The following CPNE8 variants were observed in gnomAD, a reference collection of about 807,000 sequenced individuals.
The protein encoded by CPNE8 is copine 8.
CPNE8 carries 45 observed loss-of-function variants against 81.5 expected under a neutral mutation model. The observed-to-expected ratio is 0.55, with a 90% confidence interval of 0.44 to 0.71. The LOEUF is 0.71. Among genes scored for constraint, CPNE8 ranks in the 30% least tolerant of loss-of-function variants. The probability of loss-of-function intolerance (pLI) is 0.00; values close to 1 mark genes in which losing one functional copy is unlikely to be tolerated. For missense variants in CPNE8, 594 were observed against 672.1 expected (o/e 0.88, Z 1.28); for synonymous variants, 252 against 226.3 (o/e 1.11, Z -1.02).
chr12:38,675,855 C>G, intron 17 of CPNE8, 81 bp from the exon 18 acceptor site: 1 of 929,490 alleles, frequency 1.1e-6, no homozygotes, highest in Non-Finnish European at 1.7e-6. Flanking sequence ...CATGATATCT[C>G]ACTCTTGAAA....
chr12:38,797,297 C>T (rs1368634327), intron 6 of CPNE8, among the ~76,000 whole-genome samples: 2 of 152,178 alleles, frequency 1.3e-5, no homozygotes, highest in Non-Finnish European at 2.9e-5. Flanking sequence ...GGAGGCACCC[C>T]CCAGTAGGGG....
chr12:38,719,584 G>GAAA (rs34008352), intron 13 of CPNE8, among the ~76,000 whole-genome samples: 5,981 of 123,984 alleles, frequency 0.048, 437 homozygotes, highest in African/African-American at 0.16. Context: ...ATTGTCTCAG[G>GAAA]AAAAAAAAAA....
At chr12:38,871,006 A>C (rs1421536104) in intron 3 of CPNE8, among the ~76,000 whole-genome samples, 1 of 152,100 alleles carries the variant, frequency 6.6e-6, no homozygotes, top group Non-Finnish European at 1.5e-5. Flanking sequence ...ATATTTGTGA[A>C]GGGTTTGGAA....
intron 11 of CPNE8, among the ~76,000 whole-genome samples, chr12:38,727,899 T>C (rs1940740621): frequency 6.6e-6 from 1 of 152,126 alleles, no homozygotes; most frequent in Admixed American, 6.6e-5. Context: ...AAACAACAAG[T>C]GAAAGCTAAG....
At chr12:38,722,384 T>TA (rs1256878006) in intron 13 of CPNE8, among the ~76,000 whole-genome samples, 2 of 152,154 alleles carry the variant, frequency 1.3e-5, no homozygotes, top group Admixed American at 1.3e-4. Flanking sequence ...AGTACTCATT[T>TA]AAGTAGGTAT....
chr12:38,742,711 T>TAA (rs59403727), intron 10 of CPNE8, among the ~76,000 whole-genome samples: 2 of 145,472 alleles, frequency 1.4e-5, no homozygotes, highest in East Asian at 2.0e-4. Flanking sequence ...AATAAATAAA[T>TAA]ATAAAACATA....
intron 16 of CPNE8, among the ~76,000 whole-genome samples, chr12:38,685,260 C>G (rs192555373): frequency 1.5e-3 from 235 of 152,286 alleles, no homozygotes; most frequent in African/African-American, 5.3e-3. Context: ...AAGATAGTTC[C>G]TAACATAACC....
chr12:38,793,059 C>T (rs1942363606), intron 6 of CPNE8, among the ~76,000 whole-genome samples: 1 of 151,170 alleles, frequency 6.6e-6, no homozygotes, highest in Middle Eastern at 3.4e-3. Context: ...AAACTAGAAA[C>T]AGAAGAAAAT....
intron 6 of CPNE8, among the ~76,000 whole-genome samples, chr12:38,809,298 TC>T (rs1223897478): frequency 6.6e-6 from 1 of 152,174 alleles, no homozygotes; most frequent in Non-Finnish European, 1.5e-5. Context: ...TAATTCCTTC[TC>T]ACGGTTTCCA....
At chr12:38,707,474 T>G (rs1940135938) in intron 13 of CPNE8, among the ~76,000 whole-genome samples, 1 of 149,646 alleles carries the variant, frequency 6.7e-6, no homozygotes, top group African/African-American at 2.5e-5. Flanking sequence ...GGAAGGAAGG[T>G]AAGAAGGAAG....
Position 38,702,898 on chromosome 12 carries a change from G to A in CPNE8, c.938C>T (p.Ala313Val). Reference protein sequence around the residue: ...KGGTQINFTVAIDFTASNGNP... With the variant: ...KGGTQINFTVVIDFTASNGNP... ...ACCGTTTGATGCTGTAAAATCAATA[G>A]CCACTGTGAAATTGATTTGCGTCCT... The change falls in exon 14 of 20, where the codon GCT (alanine) becomes GTT (valine). Residue 313 changes from alanine (A) to valine (V), a missense_variant. By Grantham distance (64) the Ala-to-Val change is moderately conservative. Transcript: ENST00000331366. 6.4e-7 allele frequency: 1 copy of A among 1,573,390 alleles called. No homozygotes were observed. The highest frequency in any genetic ancestry group is 8.6e-7 in the Non-Finnish European group (1 of 1,157,504).
At chr12:38,688,061 T>G (rs1466239146) in intron 15 of CPNE8, among the ~76,000 whole-genome samples, 1 of 152,206 alleles carries the variant, frequency 6.6e-6, no homozygotes, top group African/African-American at 2.4e-5. Context: ...TTACTGATTT[T>G]GGGCATATAA....
intron 10 of CPNE8, among the ~76,000 whole-genome samples, chr12:38,757,573 G>A (rs999300123): frequency 6.6e-6 from 1 of 151,892 alleles, no homozygotes; most frequent in South Asian, 2.1e-4. Context: ...AATTAAAAGG[G>A]TTATCAAGAA....
intron 1 of CPNE8, among the ~76,000 whole-genome samples, chr12:38,903,497 C>CA (rs1420170363): frequency 2.0e-5 from 3 of 152,068 alleles, no homozygotes; most frequent in Non-Finnish European, 2.9e-5. Context: ...AAACATGCAT[C>CA]AAAAAAGGGG....
chr12:38,822,363 G>A (rs1686921202), intron 6 of CPNE8, among the ~76,000 whole-genome samples: 1 of 152,110 alleles, frequency 6.6e-6, no homozygotes, highest in African/African-American at 2.4e-5. Context: ...CTTTACATAA[G>A]TGTAATCAAG....
intron 6 of CPNE8, among the ~76,000 whole-genome samples, chr12:38,785,826 G>T (rs760580285): frequency 6.6e-6 from 1 of 152,050 alleles, no homozygotes; most frequent in Admixed American, 6.6e-5. Context: ...TGCAAACAGT[G>T]TTAAGTTGTT....
chr12:38,837,463 C>T (rs371166293), intron 5 of CPNE8, among the ~76,000 whole-genome samples: 3 of 152,022 alleles, frequency 2.0e-5, no homozygotes, highest in African/African-American at 7.2e-5. Context: ...GGGATAAACA[C>T]TTGAGGGTCA....
intron 10 of CPNE8, among the ~76,000 whole-genome samples, chr12:38,744,452 C>T (rs1284809890): frequency 3.3e-5 from 5 of 152,158 alleles, no homozygotes; most frequent in African/African-American, 4.8e-5. Context: ...GTCAGCAACG[C>T]CTTATTCTCC....
chr12:38,724,332 T>C (rs1471122909), intron 12 of CPNE8, among the ~76,000 whole-genome samples: 1 of 149,490 alleles, frequency 6.7e-6, no homozygotes, highest in Non-Finnish European at 1.5e-5. Flanking sequence ...GAAAAAACTC[T>C]GCAGTATTTT....
Sources: allele counts gnomAD v4.1 joint callset (sites outside exome capture counted in the v4.1 genomes callset), GRCh38; gene constraint gnomAD v4.1.1; transcripts MANE v1.5; gene names NCBI Gene and HGNC (gene_info 2026-07-23, HGNC 2026-07-21).